The following ARPC3 variants were observed in gnomAD, a reference collection of about 807,000 sequenced individuals.
ARPC3 encodes the protein actin-related protein 2/3 complex subunit 3.
A neutral mutation model predicts 27.6 loss-of-function variants in ARPC3; 12 were observed. The ratio of observed to expected loss-of-function variants is 0.43; its 90% CI spans 0.28 to 0.70. The LOEUF is 0.70. Among genes scored for constraint, ARPC3 ranks in the 30% least tolerant of loss-of-function variants. The pLI is 0.17. For synonymous variants in ARPC3, 53 were observed against 67.2 expected, an observed-to-expected ratio of 0.79 and a Z score of 1.03; for missense variants, 153 against 207.7, an observed-to-expected ratio of 0.74 and a Z score of 1.62.
At chr12:110,443,408 G>A (rs1432972168) in intron 2 of ARPC3, among the ~76,000 whole-genome samples, 1 of 151,722 alleles carries the variant, frequency 6.6e-6, no homozygotes, top group Non-Finnish European at 1.5e-5. Flanking sequence ...TTACAGGCGT[G>A]AGCCACCGCG....
At chr12:110,440,015 C>T (rs1238011934) in intron 3 of ARPC3, among the ~76,000 whole-genome samples, 1 of 152,036 alleles carries the variant, frequency 6.6e-6, no homozygotes, top group African/African-American at 2.4e-5. Flanking sequence ...GTGAAAGTAA[C>T]TATAGATAAT....
chr12:110,448,933 G>C (rs919988039), intron 1 of ARPC3, among the ~76,000 whole-genome samples: 2 of 151,472 alleles, frequency 1.3e-5, no homozygotes, highest in Admixed American at 6.6e-5. Context: ...GCACCACCAC[G>C]CCTGGCTAAT....
intron 3 of ARPC3, among the ~76,000 whole-genome samples, chr12:110,437,747 T>C (rs556927458): frequency 1.3e-5 from 2 of 152,224 alleles, no homozygotes; most frequent in Non-Finnish European, 2.9e-5. Context: ...CCCCTCACTG[T>C]ATAGGAAGAA....
At chr12:110,438,159 G>A (rs1281956223) in intron 3 of ARPC3, among the ~76,000 whole-genome samples, 1 of 151,966 alleles carries the variant, frequency 6.6e-6, no homozygotes, top group Non-Finnish European at 1.5e-5. Context: ...AGCCAGTCAT[G>A]GTGGCGTGCG....
intron 4 of ARPC3, 130 bp downstream of exon 4, chr12:110,436,954 G>T: frequency 1.3e-6 from 1 of 772,658 alleles, no homozygotes; most frequent in Admixed American, 2.1e-5. Context: ...TTTCTCTTAA[G>T]TCCATGCTGT....
At chr12:110,450,127 G>GCCTC in intron 1 of ARPC3, 128 bp downstream of exon 1, 1 of 1,367,320 alleles carries the variant, frequency 7.3e-7, no homozygotes, top group Non-Finnish European at 1.0e-6. Flanking sequence ...CCCTCCCCTC[G>GCCTC]CCTCCCTCCT....
rs549051405 is a variant in ARPC3, at chr12:110,435,642, T to C, written c.475-425A>G. ...ACCGCGCCTGGCCATAAACCCTTTT[T>C]AGACAAAGTCTCACTCTGTCATTCA... is the stretch of plus-strand genomic sequence containing the variant. On this transcript the variant is annotated intron_variant, in intron 6 of 6. Transcript: ENST00000228825. Among the ~76,000 whole-genome samples the C allele has an allele frequency of 5.9e-5, 9 of 151,580 alleles. No individual in the cohort carries two copies. In the East Asian group the frequency reaches 9.7e-4, roughly 16 times the overall value.
At chr12:110,449,455 G>C (rs2062487136) in intron 1 of ARPC3, among the ~76,000 whole-genome samples, 1 of 151,950 alleles carries the variant, frequency 6.6e-6, no homozygotes, top group South Asian at 2.1e-4. Context: ...TCAGCTACCC[G>C]GGAGGCTGAG....
At chr12:110,436,363 T>G in intron 5 of ARPC3, 159 bp from the exon 6 acceptor site, 1 of 1,160,184 alleles carries the variant, frequency 8.6e-7, no homozygotes. Flanking sequence ...ATATTTGTTT[T>G]TGTTCAAAAG....
At chr12:110,435,322 CTTTTT>C (rs372540827) in intron 6 of ARPC3, 105 bp from the exon 7 acceptor site, 51 of 681,130 alleles carry the variant, frequency 7.5e-5, no homozygotes, top group African/African-American at 4.4e-4. Flanking sequence ...CTCTTATAAA[CTTTTT>C]TTTTTTTTTT....
intron 3 of ARPC3, among the ~76,000 whole-genome samples, 176 bp downstream of exon 3, chr12:110,440,136 T>A (rs2062427716): frequency 1.3e-5 from 2 of 152,010 alleles, no homozygotes; most frequent in Admixed American, 1.3e-4. Flanking sequence ...GTATAGAATT[T>A]GGAGGAAAAA....
At chr12:110,445,606 G>A (rs1441386478) in intron 1 of ARPC3, 55 bp from the exon 2 acceptor site, 1 of 1,309,516 alleles carries the variant, frequency 7.6e-7, no homozygotes, top group Non-Finnish European at 1.1e-6. Context: ...AAATGTCACT[G>A]TGGCAAACAA....
At chr12:110,442,199 C>T (rs1354236195) in intron 2 of ARPC3, among the ~76,000 whole-genome samples, 1 of 152,088 alleles carries the variant, frequency 6.6e-6, no homozygotes, top group African/African-American at 2.4e-5. Flanking sequence ...ACCTTAATTC[C>T]CATTTCCCCA....
chr12:110,436,331 C>A, intron 5 of ARPC3, 127 bp from the exon 6 acceptor site: 2 of 1,073,062 alleles, frequency 1.9e-6, no homozygotes, highest in Non-Finnish European at 2.7e-6. Flanking sequence ...ATAGAAATGA[C>A]AGTCCAGATA....
At chr12:110,442,147 C>A (rs1025143831) in intron 2 of ARPC3, among the ~76,000 whole-genome samples, 5 of 151,838 alleles carry the variant, frequency 3.3e-5, no homozygotes, top group African/African-American at 1.2e-4. Context: ...GGATTACAGG[C>A]ATAAGCCACA....
intron 3 of ARPC3, among the ~76,000 whole-genome samples, chr12:110,439,700 G>A (rs149171430): frequency 0.032 from 4,931 of 152,206 alleles, 273 homozygotes; most frequent in African/African-American, 0.11. Context: ...CAGGTGTGGT[G>A]GTGCATGCCT....
At chr12:110,445,245 T>C in intron 2 of ARPC3, 1 of 548,290 alleles carries the variant, frequency 1.8e-6, no homozygotes, top group Admixed American at 3.1e-5. Context: ...AAGAGTTTCC[T>C]GGAGAAGTCA....
At chr12:110,436,707 TATATACACACACACACAC>T (rs1265375728) in intron 4 of ARPC3, 24 bp from the exon 5 acceptor site, 33 of 821,554 alleles carry the variant, frequency 4.0e-5, no homozygotes, top group Non-Finnish European at 5.7e-5. Context: ...TATATATATA[TATATACACACACACACAC>T]ACACACACAC....
chr12:110,444,013 A>C (rs1231406935), intron 2 of ARPC3, among the ~76,000 whole-genome samples: 2 of 147,894 alleles, frequency 1.4e-5, no homozygotes, highest in Non-Finnish European at 3.0e-5. Context: ...CTCGTTGCCT[A>C]GGCTGGAGTG....
Sources: allele counts gnomAD v4.1 joint callset (sites outside exome capture counted in the v4.1 genomes callset), GRCh38; gene constraint gnomAD v4.1.1; transcripts MANE v1.5; gene names NCBI Gene and HGNC (gene_info 2026-07-23, HGNC 2026-07-21).